GRIN2A: variants seen among roughly 807,000 people sequenced by gnomAD.
GRIN2A encodes the protein glutamate receptor ionotropic, NMDA 2A.
A neutral mutation model predicts 113.4 loss-of-function variants in GRIN2A; 22 were observed. The ratio of observed to expected loss-of-function variants is 0.19; its 90% CI spans 0.14 to 0.28. The LOEUF (loss-of-function observed/expected upper bound fraction) is 0.28, where lower values mean the gene tolerates loss of function less well. Among genes scored for constraint, GRIN2A ranks in the 10% least tolerant of loss-of-function variants. The pLI is 1.00. For synonymous variants in GRIN2A, 827 were observed against 738.4 expected (o/e 1.12, Z -1.94); for missense variants, 1,502 against 1,887.0 (o/e 0.80, Z 3.78).
chr16:10,016,591 T>C (rs1057341770), intron 2 of GRIN2A, among the ~76,000 whole-genome samples: 8 of 152,164 alleles, frequency 5.3e-5, no homozygotes, highest in African/African-American at 1.9e-4. Flanking sequence ...ATCCCACACC[T>C]GGTGGGTGCC....
chr16:9,893,476 A>AT lies in GRIN2A; in HGVS notation c.1008-2377dup, dbSNP rs564766461. Among the ~76,000 whole-genome samples, 53 of 151,826 alleles carry AT rather than the reference A, an allele frequency of 3.5e-4. 2 individuals are homozygous for AT. The South Asian group carries it at 7.7e-3, about 22-fold the overall frequency. Reference sequence around the variant, plus strand: ...TTTGTTTTTTGTTTTTATTTTTGTTATTTTTTTTAAGACGGAGTCTCACTC... The same window carrying AT: ...TTTGTTTTTTGTTTTTATTTTTGTTATTTTTTTTTAAGACGGAGTCTCACTC... On this transcript the variant is annotated intron_variant, in intron 3 of 12. Transcript: ENST00000330684.
At chr16:9,940,057 A>AGTGTGT (rs1411329387) in intron 2 of GRIN2A, among the ~76,000 whole-genome samples, 2 of 123,664 alleles carry the variant, frequency 1.6e-5, no homozygotes, top group African/African-American at 6.2e-5. Context: ...AGAGAGAGAG[A>AGTGTGT]GAGAGTGTGT....
rs913324993 is a variant in GRIN2A, at chr16:9,759,805, C to G, written c.*3344G>C. On this transcript the variant is annotated 3_prime_UTR_variant, in exon 13 of 13. Coordinates refer to ENST00000330684, the MANE Select transcript of GRIN2A (RefSeq NM_001134407.3). ...AGATAGACCTATAGGGACTTGCCAG[C>G]TCAGAGCATTGAAACCATAAGTGGC... The G allele has an allele frequency of 2.4e-4, 54 of 229,120 alleles. No individual in the cohort carries two copies. The highest frequency in any genetic ancestry group is 1.2e-3 in the African/African-American group (53 of 45,096). 14.2% of individuals were successfully genotyped at this position (229,120 alleles called of 1,614,324 possible).
chr16:10,161,955 G>A (rs2049816985), intron 2 of GRIN2A, among the ~76,000 whole-genome samples: 1 of 152,140 alleles, frequency 6.6e-6, no homozygotes. Context: ...ATCCAGAACA[G>A]TCTCTCCATT....
At chr16:10,029,171 C>T (rs962072008) in intron 2 of GRIN2A, among the ~76,000 whole-genome samples, 1 of 152,002 alleles carries the variant, frequency 6.6e-6, no homozygotes, top group East Asian at 1.9e-4. Context: ...GAGCACTATA[C>T]CTCCCCACCC....
At chr16:9,792,221 A>G (rs1271086400) in intron 11 of GRIN2A, among the ~76,000 whole-genome samples, 3 of 152,006 alleles carry the variant, frequency 2.0e-5, no homozygotes, top group African/African-American at 4.8e-5. Flanking sequence ...TGGTCACTCT[A>G]TTAATGTAAT....
At chr16:10,131,052 A>G (rs961385863) in intron 2 of GRIN2A, among the ~76,000 whole-genome samples, 1 of 152,230 alleles carries the variant, frequency 6.6e-6, no homozygotes, top group African/African-American at 2.4e-5. Flanking sequence ...CTTTTGTTAG[A>G]AAAGCACTTA....
chr16:10,016,415 A>T (rs1189873615), intron 2 of GRIN2A, among the ~76,000 whole-genome samples: 1 of 152,116 alleles, frequency 6.6e-6, no homozygotes, highest in Admixed American at 6.5e-5. Flanking sequence ...CATGCATGGG[A>T]AAGAAAAGAA....
chr16:9,783,392 T>C (rs1474546509), intron 11 of GRIN2A, among the ~76,000 whole-genome samples: 1 of 152,250 alleles, frequency 6.6e-6, no homozygotes, highest in Non-Finnish European at 1.5e-5. Context: ...TTGCCTGCTT[T>C]ATTTTTAACA....
At chr16:10,125,692 A>G (rs567843407) in intron 2 of GRIN2A, among the ~76,000 whole-genome samples, 53 of 150,714 alleles carry the variant, frequency 3.5e-4, no homozygotes, top group African/African-American at 1.2e-3. Flanking sequence ...GCTAAGCCCC[A>G]GGCCTACAGG....
intron 2 of GRIN2A, among the ~76,000 whole-genome samples, chr16:10,123,330 C>T (rs947206356): frequency 6.6e-6 from 1 of 152,164 alleles, no homozygotes; most frequent in African/African-American, 2.4e-5. Context: ...CAGGCTGAAG[C>T]AGCCTCTTTT....
At chr16:9,861,929 G>A (rs2043075674) in intron 4 of GRIN2A, among the ~76,000 whole-genome samples, 2 of 152,144 alleles carry the variant, frequency 1.3e-5, no homozygotes, top group African/African-American at 4.8e-5. Context: ...GGAGGTGGTG[G>A]GATTATGAAG....
intron 4 of GRIN2A, among the ~76,000 whole-genome samples, chr16:9,876,752 C>A (rs75011961): frequency 0.015 from 2,208 of 152,166 alleles, 18 homozygotes; most frequent in Non-Finnish European, 0.023. Context: ...GAATGGATGC[C>A]CATATGGCTG....
intron 10 of GRIN2A, among the ~76,000 whole-genome samples, chr16:9,801,102 G>A (rs968044615): frequency 6.6e-6 from 1 of 152,178 alleles, no homozygotes; most frequent in African/African-American, 2.4e-5. Context: ...CACTTGTTCA[G>A]CTGTGGTATT....
intron 4 of GRIN2A, among the ~76,000 whole-genome samples, chr16:9,862,122 A>G (rs781563434): frequency 2.6e-5 from 4 of 152,234 alleles, no homozygotes; most frequent in African/African-American, 4.8e-5. Context: ...CAGGAGGGGA[A>G]GACCTATGAC....
At chr16:10,145,831 A>T (rs1325656116) in intron 2 of GRIN2A, among the ~76,000 whole-genome samples, 3 of 152,206 alleles carry the variant, frequency 2.0e-5, no homozygotes, top group Non-Finnish European at 4.4e-5. Flanking sequence ...GTTCTAATAA[A>T]ACTTTATTTA....
chr16:10,102,122 CAG>C (rs1319408569), intron 2 of GRIN2A, among the ~76,000 whole-genome samples: 1 of 152,228 alleles, frequency 6.6e-6, no homozygotes, highest in Non-Finnish European at 1.5e-5. Flanking sequence ...AATAAGGACA[CAG>C]AGGTTCTGAT....
intron 11 of GRIN2A, among the ~76,000 whole-genome samples, chr16:9,778,239 A>G (rs1901726243): frequency 6.6e-6 from 1 of 152,234 alleles, no homozygotes; most frequent in African/African-American, 2.4e-5. Flanking sequence ...GGAGAGATAC[A>G]ATTCTTTGAA....
intron 2 of GRIN2A, among the ~76,000 whole-genome samples, chr16:9,949,244 C>T (rs1054053953): frequency 6.6e-6 from 1 of 152,238 alleles, no homozygotes; most frequent in Non-Finnish European, 1.5e-5. Flanking sequence ...CACAGCCCAG[C>T]TCCCAGTACA....
Sources: gnomAD v4.1 joint callset for allele counts (sites outside exome capture counted in the v4.1 genomes callset) on GRCh38, gnomAD v4.1.1 for gene constraint, MANE v1.5 for transcripts, NCBI Gene and HGNC (gene_info 2026-07-23, HGNC 2026-07-21) for gene names.